The following REC114 variants were observed in gnomAD, a reference collection of about 807,000 sequenced individuals.
REC114 encodes REC114 meiotic recombination protein, also known as meiotic recombination protein REC114.
REC114 carries 27 observed loss-of-function variants against 31.3 expected under a neutral mutation model. The ratio of observed to expected loss-of-function variants is 0.86; its 90% CI spans 0.64 to 1.19. The LOEUF (loss-of-function observed/expected upper bound fraction) is 1.19. Ranked by LOEUF, REC114 falls within the 50% of genes most tolerant of loss-of-function variation. The pLI is 0.00. For synonymous variants in REC114, 134 were observed against 127.7 expected, an observed-to-expected ratio of 1.05 and a Z score of -0.33; for missense variants, 344 against 326.9, an observed-to-expected ratio of 1.05 and a Z score of -0.40.
chr15:73,476,911 C>G (rs1168012748), intron 2 of REC114, among the ~76,000 whole-genome samples: 1 of 152,214 alleles, frequency 6.6e-6, no homozygotes, highest in South Asian at 2.1e-4. Flanking sequence ...ACCGCTGAGT[C>G]ATATGGTGTG....
intron 2 of REC114, among the ~76,000 whole-genome samples, chr15:73,538,458 T>TTC (rs984795598): frequency 5.8e-5 from 7 of 120,176 alleles, no homozygotes; most frequent in Admixed American, 1.5e-4. Flanking sequence ...TCTATTTCTT[T>TTC]TTTTTTTTTT....
At chr15:73,503,387 T>C (rs1249164313) in intron 2 of REC114, among the ~76,000 whole-genome samples, 2 of 152,214 alleles carry the variant, frequency 1.3e-5, no homozygotes, top group East Asian at 3.8e-4. Flanking sequence ...TAACTTATAC[T>C]TCAATAAATC....
rs186054049 is a variant in REC114 at position 73,470,526 on chromosome 15, A to T, written c.160-3306A>T. Among the ~76,000 whole-genome samples, 205 of 152,176 alleles carry T rather than the reference A, an allele frequency of 1.3e-3. 5 individuals carry two copies. The highest frequency in any genetic ancestry group is 0.011 in the Admixed American group (175 of 15,290). The stretch of plus-strand genomic sequence containing the variant: ...ATGGTGCCTTCATTTAAAAGTTCTT[A>T]TTTACTTAACCATCCAACAAAATAT... On this transcript the variant is annotated intron_variant, in intron 1 of 5. Transcript: ENST00000331090.
intron 2 of REC114, among the ~76,000 whole-genome samples, chr15:73,534,584 C>T (rs1302077708): frequency 7.2e-5 from 11 of 151,938 alleles, no homozygotes; most frequent in African/African-American, 1.7e-4. Context: ...GATTCACAGC[C>T]GAATTCTACC....
chr15:73,457,272 A>G (rs1290647954), intron 1 of REC114, among the ~76,000 whole-genome samples: 1 of 151,980 alleles, frequency 6.6e-6, no homozygotes, highest in African/African-American at 2.4e-5. Context: ...GTCCTGTGTG[A>G]GCTCTGGGGA....
chr15:73,459,192 C>T (rs1193676041), intron 1 of REC114, among the ~76,000 whole-genome samples: 1 of 151,826 alleles, frequency 6.6e-6, no homozygotes, highest in African/African-American at 2.4e-5. Context: ...TTTTATTTTA[C>T]ATTTTACAGA....
At chr15:73,494,203 T>C (rs893921552) in intron 2 of REC114, among the ~76,000 whole-genome samples, 2 of 152,202 alleles carry the variant, frequency 1.3e-5, no homozygotes, top group Non-Finnish European at 2.9e-5. Context: ...ATTTTATATT[T>C]GTTTTGGCAT....
At chr15:73,556,503 C>T (rs1894470502) in intron 5 of REC114, 112 bp downstream of exon 5, 2 of 879,232 alleles carry the variant, frequency 2.3e-6, no homozygotes, top group Non-Finnish European at 3.4e-6. Flanking sequence ...TAAAGCATTA[C>T]TCTAAAAGGT....
chr15:73,462,083 C>T (rs1312069128), intron 1 of REC114, among the ~76,000 whole-genome samples: 1 of 151,740 alleles, frequency 6.6e-6, no homozygotes, highest in Non-Finnish European at 1.5e-5. Flanking sequence ...AGGCACCTAC[C>T]ACCATGCCCG....
chr15:73,507,599 T>C (rs1893698415), intron 2 of REC114, among the ~76,000 whole-genome samples: 1 of 152,180 alleles, frequency 6.6e-6, no homozygotes, highest in African/African-American at 2.4e-5. Flanking sequence ...CTTTTGATTC[T>C]GTACATATGT....
chr15:73,472,602 T>G (rs1341786072), intron 1 of REC114, among the ~76,000 whole-genome samples: 1 of 152,164 alleles, frequency 6.6e-6, no homozygotes, highest in Non-Finnish European at 1.5e-5. Flanking sequence ...CTATAACATC[T>G]TATTGTTTAT....
At chr15:73,478,598 C>A (rs553815512) in intron 2 of REC114, among the ~76,000 whole-genome samples, 386 of 152,184 alleles carry the variant, frequency 2.5e-3, no homozygotes, top group Non-Finnish European at 4.4e-3. Context: ...TTTAGAATGA[C>A]ATTTCCTACA....
chr15:73,543,942 C>CTTTTTT (rs34215297), intron 3 of REC114, among the ~76,000 whole-genome samples: 18 of 74,130 alleles, frequency 2.4e-4, no homozygotes, highest in East Asian at 1.5e-3. Flanking sequence ...TGTTAACTGG[C>CTTTTTT]TTTTTTTTTT....
At chr15:73,498,834 A>C (rs1264162435) in intron 2 of REC114, among the ~76,000 whole-genome samples, 2 of 152,186 alleles carry the variant, frequency 1.3e-5, no homozygotes, top group Non-Finnish European at 2.9e-5. Flanking sequence ...TATGTGTATA[A>C]AAGTGAACGT....
rs1893848074 is a variant in REC114 at position 73,515,598 on chromosome 15, C to T, written c.250-24887C>T. ...TTTAGGTGAAGTCATGAGAGTGGAG[C>T]CTGTGATGAGATTAGTGCTTTTATA... On this transcript the variant is annotated intron_variant, in intron 2 of 5. Coordinates refer to ENST00000331090, the MANE Select transcript of REC114 (RefSeq NM_001042367.2). Among the ~76,000 whole-genome samples, 5 of 151,926 alleles carry T rather than the reference C, an allele frequency of 3.3e-5. No homozygotes were observed. In the South Asian group the frequency reaches 8.3e-4, roughly 25 times the overall value.
intron 2 of REC114, chr15:73,483,847 G>T (rs1355319658): frequency 6.6e-6 from 1 of 152,254 alleles, no homozygotes; most frequent in Non-Finnish European, 1.5e-5. Flanking sequence ...CAGTTGGAAG[G>T]AAGCCTGGCA....
intron 1 of REC114, among the ~76,000 whole-genome samples, chr15:73,450,196 T>C (rs1473519409): frequency 1.3e-5 from 2 of 151,540 alleles, no homozygotes; most frequent in East Asian, 3.9e-4. Flanking sequence ...GACTGGCAAA[T>C]TGGATAAAGA....
In REC114 at chr15:73,457,597, C is replaced by G. The variant is rs567901618; in HGVS notation, c.159+14253C>G. ...CTGGGGCAGTGGTAAGGGCTCACTT[C>G]CTTCATTTTCTGTCATTTCTCAGGA... On this transcript the variant is annotated intron_variant, in intron 1 of 5. Transcript: ENST00000331090. 9.9e-5 allele frequency among the ~76,000 whole-genome samples: 15 copies of G among 151,664 alleles called. 1 individual carries two copies. Among genetic ancestry groups the G allele is most frequent in the African/African-American group, 3.6e-4 (15 of 41,164 alleles).
chr15:73,548,527 A>G (rs28850578), intron 3 of REC114, among the ~76,000 whole-genome samples: 1 of 152,248 alleles, frequency 6.6e-6, no homozygotes, highest in Non-Finnish European at 1.5e-5. Flanking sequence ...ATCTCATACC[A>G]GTCAGAATGA....
Sources: allele counts gnomAD v4.1 joint callset (sites outside exome capture counted in the v4.1 genomes callset), GRCh38; gene constraint gnomAD v4.1.1; transcripts MANE v1.5; gene names NCBI Gene and HGNC (gene_info 2026-07-23, HGNC 2026-07-21).